The following PRKCA variants were observed in gnomAD, a reference collection of about 807,000 sequenced individuals.
The protein encoded by PRKCA is protein kinase C alpha type.
Under a neutral mutation model 87.0 loss-of-function variants are expected in PRKCA, and 27 were observed. The ratio of observed to expected loss-of-function variants is 0.31; its 90% CI spans 0.23 to 0.43. The LOEUF (loss-of-function observed/expected upper bound fraction) is 0.43, where lower values mean the gene tolerates loss of function less well. Among genes scored for constraint, PRKCA ranks in the 20% least tolerant of loss-of-function variants. The pLI, the probability that PRKCA is intolerant of heterozygous loss-of-function variation, is 1.00. For synonymous variants in PRKCA, 329 were observed against 311.1 expected (o/e 1.06, Z -0.61); for missense variants, 518 against 852.3 (o/e 0.61, Z 4.88).
At chr17:66,397,113 C>A (rs183827710) in intron 2 of PRKCA, among the ~76,000 whole-genome samples, 1 of 151,110 alleles carries the variant, frequency 6.6e-6, no homozygotes, top group African/African-American at 2.4e-5. Flanking sequence ...CTACAGGTGC[C>A]TGCCACCATG....
In PRKCA at chr17:66,792,323, A is replaced by T. The variant is rs1489834103; in HGVS notation, c.1854+3344A>T. 6.6e-6 allele frequency among the ~76,000 whole-genome samples: 1 copy of T among 152,204 alleles called. No homozygotes were observed. Among genetic ancestry groups the T allele is most frequent in the Non-Finnish European group, 1.5e-5 (1 of 68,028 alleles). ...AGTTATTTGCAAACTGCTTCTACAGATCAGATTGAGCTTGTAGGATCAGGA... is the reference window on the plus strand; with the variant it reads ...AGTTATTTGCAAACTGCTTCTACAGTTCAGATTGAGCTTGTAGGATCAGGA... On this transcript the variant is annotated intron_variant, in intron 16 of 16. Transcript: ENST00000413366. This position sits in a 1 kb window ranked among gnomAD's most constrained non-coding sequence, Gnocchi z 4.5.
At chr17:66,691,355 A>T (rs1025330425) in intron 8 of PRKCA, among the ~76,000 whole-genome samples, 1 of 151,656 alleles carries the variant, frequency 6.6e-6, no homozygotes, top group East Asian at 1.9e-4. Flanking sequence ...CTATTTGTCT[A>T]TCTATCAATA....
chr17:66,458,230 A>T (rs886186689), intron 2 of PRKCA, among the ~76,000 whole-genome samples: 1 of 152,232 alleles, frequency 6.6e-6, no homozygotes. Context: ...CCAGTGAGGC[A>T]TTCCTTCTTT....
chr17:66,580,689 T>A (rs1969397565), intron 3 of PRKCA, among the ~76,000 whole-genome samples: 1 of 152,112 alleles, frequency 6.6e-6, no homozygotes, highest in South Asian at 2.1e-4. Flanking sequence ...GTAAAGTGGG[T>A]TTTCGCCAAC....
At chr17:66,431,226 T>C (rs740930) in intron 2 of PRKCA, among the ~76,000 whole-genome samples, 128,618 of 152,180 alleles carry the variant, frequency 0.85, 55,176 homozygotes, top group South Asian at 0.96. Flanking sequence ...TTATTGTTTT[T>C]GATACTTTTA....
chr17:66,636,435 A>C (rs745546814), intron 3 of PRKCA, among the ~76,000 whole-genome samples: 10 of 152,230 alleles, frequency 6.6e-5, no homozygotes, highest in Non-Finnish European at 1.2e-4. Context: ...ATTTGCCAAG[A>C]GGACTGGCTT....
intron 2 of PRKCA, among the ~76,000 whole-genome samples, chr17:66,401,072 T>C (rs78962456): frequency 0.019 from 2,925 of 152,302 alleles, 66 homozygotes; most frequent in East Asian, 0.1. Context: ...TGAGTCCTAC[T>C]GTGTGGCAGT....
intron 1 of PRKCA, among the ~76,000 whole-genome samples, chr17:66,304,121 C>T (rs1243539986): frequency 1.3e-5 from 2 of 152,174 alleles, no homozygotes; most frequent in African/African-American, 4.8e-5. Context: ...AGGTAATCGC[C>T]AATGAATTCA....
rs556458869 is a variant in PRKCA, at chr17:66,336,937, C to T, written c.205+30810C>T. ...CCAAGTAGCTGGGGTTACAGGCGCC[C>T]GCCACCACGTCCAGCTAATTTTTTT... On this transcript the variant is annotated intron_variant, in intron 2 of 16. Coordinates refer to ENST00000413366, the MANE Select transcript of PRKCA (RefSeq NM_002737.3). 5.3e-5 allele frequency among the ~76,000 whole-genome samples: 8 copies of T among 151,924 alleles called. No individual in the cohort carries two copies. The South Asian group carries it at 1.7e-3, about 32-fold the overall frequency.
At chr17:66,428,628 C>T (rs1008493472) in intron 2 of PRKCA, among the ~76,000 whole-genome samples, 32 of 151,970 alleles carry the variant, frequency 2.1e-4, no homozygotes, top group East Asian at 3.9e-4. Flanking sequence ...TTCAGCCTCC[C>T]GAGAAGCTGG....
intron 13 of PRKCA, among the ~76,000 whole-genome samples, chr17:66,749,508 C>T (rs1473438720): frequency 1.3e-5 from 2 of 152,214 alleles, no homozygotes; most frequent in Non-Finnish European, 2.9e-5. Flanking sequence ...GGACTGCTGA[C>T]TCCTGTCCCT....
intron 15 of PRKCA, among the ~76,000 whole-genome samples, chr17:66,787,429 T>C (rs1975427854): frequency 1.3e-5 from 2 of 152,202 alleles, no homozygotes; most frequent in Non-Finnish European, 2.9e-5. Context: ...ACCGCACTTT[T>C]CATTCTAATC....
intron 2 of PRKCA, among the ~76,000 whole-genome samples, chr17:66,386,978 G>A (rs1291468356): frequency 6.6e-6 from 1 of 152,182 alleles, no homozygotes; most frequent in Admixed American, 6.5e-5. Flanking sequence ...GTTCTCAGTG[G>A]TCTTCAGACT....
intron 3 of PRKCA, among the ~76,000 whole-genome samples, chr17:66,573,990 A>G (rs1037544166): frequency 3.3e-5 from 5 of 152,186 alleles, no homozygotes; most frequent in Non-Finnish European, 5.9e-5. Context: ...AATTTTTTAT[A>G]TGGCCCGAAG....
chr17:66,629,752 G>A (rs981351255), intron 3 of PRKCA, among the ~76,000 whole-genome samples: 10 of 152,120 alleles, frequency 6.6e-5, no homozygotes, highest in Admixed American at 1.3e-4. Context: ...GGAGGGGAGG[G>A]CATGACTATA....
chr17:66,740,511 T>C (rs911688910), intron 11 of PRKCA, among the ~76,000 whole-genome samples: 12 of 152,146 alleles, frequency 7.9e-5, no homozygotes, highest in Non-Finnish European at 1.3e-4. Flanking sequence ...TGCGAGGGAT[T>C]ATGCACCCTA....
intron 2 of PRKCA, among the ~76,000 whole-genome samples, chr17:66,337,135 A>AT (rs754055262): frequency 1.1e-4 from 16 of 151,926 alleles, no homozygotes; most frequent in Non-Finnish European, 1.9e-4. Flanking sequence ...TAATTAGATC[A>AT]TTTTTTTCCT....
At position 66,699,055 on chromosome 17, in the gene PRKCA, C is replaced by A. The variant is rs112117467; in HGVS notation, c.918+10008C>A. Among the ~76,000 whole-genome samples, 1,233 of 148,460 alleles carry A rather than the reference C, an allele frequency of 8.3e-3. 11 individuals carry two copies. Among genetic ancestry groups the A allele is most frequent in the African/African-American group, 0.029 (1,176 of 40,466 alleles). On this transcript the variant is annotated intron_variant, in intron 8 of 16. Coordinates refer to ENST00000413366, the MANE Select transcript of PRKCA (RefSeq NM_002737.3). ...TGGACAGTAGAAAAGGTAAGCAAGC[C>A]AGGCACAGTAGCATGTGCCTGTAGT...
intron 2 of PRKCA, among the ~76,000 whole-genome samples, chr17:66,368,298 A>ATATG (rs1567792941): frequency 7.1e-6 from 1 of 141,256 alleles, no homozygotes; most frequent in African/African-American, 2.7e-5. Context: ...ACACACATAT[A>ATATG]TGTGTGTGTG....
Sources: allele counts gnomAD v4.1 joint callset (sites outside exome capture counted in the v4.1 genomes callset), GRCh38; gene constraint gnomAD v4.1.1; non-coding constraint Gnocchi (gnomAD v3.1); transcripts MANE v1.5; gene names NCBI Gene and HGNC (gene_info 2026-07-23, HGNC 2026-07-21).